The following TLK1 variants were observed in gnomAD, a reference collection of about 807,000 sequenced individuals.
TLK1 encodes the protein serine/threonine-protein kinase tousled-like 1.
TLK1 carries 24 observed loss-of-function variants against 105.3 expected under a neutral mutation model. The observed-to-expected ratio is 0.23, with a 90% CI of 0.17 to 0.32. TLK1 has a LOEUF of 0.32. TLK1 is among the 10% of genes least tolerant of loss of function. The pLI is 1.00. For synonymous variants in TLK1, 321 were observed against 310.4 expected (o/e 1.03, Z -0.36); for missense variants, 558 against 910.5 (o/e 0.61, Z 4.98).
chr2:171,207,254 A>G (rs1693523609), intron 1 of TLK1, among the ~76,000 whole-genome samples: 1 of 152,252 alleles, frequency 6.6e-6, no homozygotes, highest in Non-Finnish European at 1.5e-5. Context: ...ACATGGATGA[A>G]ACTAAAATAC....
intron 1 of TLK1, among the ~76,000 whole-genome samples, chr2:171,212,630 T>C (rs1035250): frequency 0.31 from 47,403 of 151,972 alleles, 8,499 homozygotes; most frequent in East Asian, 0.51. Flanking sequence ...TTTAAGTCCT[T>C]TCTACCTCTA....
At chr2:171,168,572 A>G in intron 1 of TLK1, among the ~76,000 whole-genome samples, 1 of 152,028 alleles carries the variant, frequency 6.6e-6, no homozygotes, top group East Asian at 1.9e-4. Context: ...GTCATAATTC[A>G]ATGAACCATG....
At chr2:171,107,248 C>G (rs1464715662) in intron 2 of TLK1, among the ~76,000 whole-genome samples, 1 of 152,132 alleles carries the variant, frequency 6.6e-6, no homozygotes, top group African/African-American at 2.4e-5. Flanking sequence ...AGATAATATG[C>G]CAATGAAAAG....
chr2:170,998,056 A>G (rs1684153883), intron 18 of TLK1, among the ~76,000 whole-genome samples: 2 of 60,542 alleles, frequency 3.3e-5, no homozygotes, highest in South Asian at 2.3e-3. Flanking sequence ...TTATCTATCT[A>G]TCTATCTATC....
At chr2:170,994,099 T>G in intron 20 of TLK1, 143 bp from the exon 21 acceptor site, 1 of 903,688 alleles carries the variant, frequency 1.1e-6, no homozygotes, top group Non-Finnish European at 1.5e-6. Flanking sequence ...AAAAAAAAAT[T>G]CTGTAGCTAG....
chr2:171,227,461 A>G (rs1693918668), intron 1 of TLK1, among the ~76,000 whole-genome samples: 1 of 151,748 alleles, frequency 6.6e-6, no homozygotes, highest in Non-Finnish European at 1.5e-5. Flanking sequence ...GCATGACCAA[A>G]AGCTTTCTGG....
At chr2:171,069,760 A>G (rs1392307176) in intron 3 of TLK1, among the ~76,000 whole-genome samples, 1 of 152,228 alleles carries the variant, frequency 6.6e-6, no homozygotes, top group Non-Finnish European at 1.5e-5. Flanking sequence ...ATGTGACGAC[A>G]TCTCACTGGA....
intron 18 of TLK1, among the ~76,000 whole-genome samples, chr2:171,002,542 G>A (rs1026874000): frequency 6.6e-6 from 1 of 152,028 alleles, no homozygotes; most frequent in East Asian, 1.9e-4. Context: ...CCAAAGTGCT[G>A]GGATTATAGG....
Position 171,189,955 on chromosome 2 carries a change from A to T in TLK1, c.-6+41190T>A, listed in dbSNP as rs552388767. On this transcript the variant is annotated intron_variant, in intron 1 of 20. Coordinates refer to the TLK1 transcript ENST00000521943. ...GTCTCAAAAGAAAAGAAAAGAAAAA[A>T]GGGCAGAAGGCATGTGCCAGCTAAA... Among the ~76,000 whole-genome samples, 9 of 152,330 alleles carry T rather than the reference A, an allele frequency of 5.9e-5. No individual in the cohort carries two copies. The South Asian group carries it at 1.7e-3, about 28-fold the overall frequency.
chr2:171,114,618 T>A (rs1307680048), intron 2 of TLK1, among the ~76,000 whole-genome samples: 2 of 152,196 alleles, frequency 1.3e-5, no homozygotes, highest in Admixed American at 6.5e-5. Flanking sequence ...GCAAATCACC[T>A]GAGCCCAGGT....
intron 1 of TLK1, among the ~76,000 whole-genome samples, chr2:171,223,478 G>T (rs1453102051): frequency 1.7e-5 from 2 of 114,914 alleles, no homozygotes; most frequent in Admixed American, 1.1e-4. Context: ...CAGGTATTTT[G>T]CACTTTTTTT....
intron 1 of TLK1, among the ~76,000 whole-genome samples, chr2:171,123,401 C>T (rs1450913116): frequency 6.6e-6 from 1 of 152,052 alleles, no homozygotes; most frequent in Non-Finnish European, 1.5e-5. Context: ...CAGGGTTTCA[C>T]CATGTTGGCC....
intron 11 of TLK1, among the ~76,000 whole-genome samples, chr2:171,036,157 T>C (rs1686322088): frequency 6.6e-6 from 1 of 152,158 alleles, no homozygotes; most frequent in Non-Finnish European, 1.5e-5. Context: ...AAGCATAATT[T>C]CTGAAGGCTG....
At position 170,993,820 on chromosome 2, in the gene TLK1, G is replaced by A; in HGVS notation, c.2261C>T (p.Ala754Val). The change falls in exon 21 of 21, where the codon GCA becomes GTA. Residue 754 changes from alanine (A) to valine (V), a missense_variant. Physicochemically the swap from Ala to Val is moderately conservative, Grantham distance 64. Coordinates refer to ENST00000431350, the MANE Select transcript of TLK1 (RefSeq NM_012290.5). ...SGNLHMAGLT[A>V]SPTPPSSSII... ...GCTTGAAGAAGGGGGTGTAGGGGAT[G>A]CTGTCAGCCCAGCCATGTGTAGGTT... is the stretch of plus-strand genomic sequence containing the variant. The A allele has an allele frequency of 6.2e-7, 1 of 1,610,708 alleles. No individual in the cohort carries two copies. Among genetic ancestry groups the A allele is most frequent in the East Asian group, 2.2e-5 (1 of 44,600 alleles).
At chr2:171,165,987 G>A (rs1692602668) in intron 1 of TLK1, among the ~76,000 whole-genome samples, 1 of 151,864 alleles carries the variant, frequency 6.6e-6, no homozygotes, top group African/African-American at 2.4e-5. Flanking sequence ...ACTGGAGCCT[G>A]TTCATAATGT....
In TLK1 at chr2:171,103,370, TG is replaced by T. The variant is rs201276133; in HGVS notation, c.258+14368del. Among the ~76,000 whole-genome samples, 1,405 of 151,622 alleles carry T rather than the reference TG, an allele frequency of 9.3e-3. 10 individuals are homozygous for T. The highest frequency in any genetic ancestry group is 0.034 in the Middle Eastern group (10 of 294). On this transcript the variant is annotated intron_variant, in intron 2 of 20. Coordinates refer to ENST00000431350, the MANE Select transcript of TLK1 (RefSeq NM_012290.5). ...GCTCACTGCAATCTCCGCCGCCTCCTGGGTTCAAGCAATTCTCCTGCCTCGG... is the reference window on the plus strand; with the variant it reads ...GCTCACTGCAATCTCCGCCGCCTCCTGGTTCAAGCAATTCTCCTGCCTCGG...
intron 1 of TLK1, among the ~76,000 whole-genome samples, chr2:171,135,341 AT>A (rs963142218): frequency 1.3e-5 from 2 of 150,604 alleles, no homozygotes; most frequent in African/African-American, 4.9e-5. Context: ...ATATATATAT[AT>A]ATCAAAACAT....
At chr2:171,021,318 A>G (rs1173877267) in intron 12 of TLK1, among the ~76,000 whole-genome samples, 1 of 152,166 alleles carries the variant, frequency 6.6e-6, no homozygotes, top group East Asian at 1.9e-4. Flanking sequence ...AGTGAAATTA[A>G]CGTTCAACAC....
upstream of TLK1, among the ~76,000 whole-genome samples, chr2:171,163,138 C>T (rs922436902): frequency 2.0e-5 from 3 of 152,160 alleles, no homozygotes; most frequent in African/African-American, 7.2e-5. Context: ...GAGATTCGTC[C>T]ACATTGTTGC....
Sources: gnomAD v4.1 joint callset for allele counts (sites outside exome capture counted in the v4.1 genomes callset) on GRCh38, gnomAD v4.1.1 for gene constraint, MANE v1.5 for transcripts, NCBI Gene and HGNC (gene_info 2026-07-23, HGNC 2026-07-21) for gene names.